The following COL5A1 variants were observed in gnomAD, a reference collection of about 807,000 sequenced individuals.
The protein encoded by COL5A1 is collagen type V alpha 1 chain, also known as collagen alpha-1(V) chain.
Under a neutral mutation model 263.7 loss-of-function variants are expected in COL5A1, and 16 were observed. The observed-to-expected ratio is 0.06, with a 90% confidence interval of 0.04 to 0.09. COL5A1 has a LOEUF of 0.09. Ranked by LOEUF, COL5A1 falls within the 10% of genes least tolerant of loss-of-function variation. The probability of loss-of-function intolerance (pLI) is 1.00; values close to 1 mark genes in which losing one functional copy is unlikely to be tolerated. For synonymous variants in COL5A1, 1,012 were observed against 1,004.5 expected (o/e 1.01, Z -0.14); for missense variants, 2,036 against 2,540.5 (o/e 0.80, Z 4.27).
intron 4 of COL5A1, among the ~76,000 whole-genome samples, chr9:134,704,030 A>G (rs1473710169): frequency 1.3e-5 from 2 of 152,170 alleles, no homozygotes; most frequent in African/African-American, 4.8e-5. Flanking sequence ...GATTCAGGAA[A>G]AAGCTTTATT....
intron 9 of COL5A1, among the ~76,000 whole-genome samples, chr9:134,738,163 G>A (rs575250144): frequency 6.6e-6 from 1 of 152,188 alleles, no homozygotes; most frequent in Non-Finnish European, 1.5e-5. Context: ...GATGCAGGGA[G>A]CCTGGCGGTC....
At chr9:134,822,189 CA>C (rs1200679783) in intron 59 of COL5A1, 39 bp downstream of exon 59, 4 of 1,281,546 alleles carry the variant, frequency 3.1e-6, no homozygotes, top group African/African-American at 1.4e-5. Flanking sequence ...CCTGGGAGGG[CA>C]GGGAGGGTGG....
chr9:134,820,120 A>G lies in COL5A1; in HGVS notation c.4451A>G (p.His1484Arg), dbSNP rs1055107588. The G allele has an allele frequency of 1.9e-6, 3 of 1,613,552 alleles. No homozygotes were observed. Among genetic ancestry groups the G allele is most frequent in the East Asian group, 2.2e-5 (1 of 44,888 alleles). ...CCTGTCTTCATTTTCCCACAGGGTC[A>G]TCCAGGCCTGATCGGGCTCATCGGT... is the stretch of plus-strand genomic sequence containing the variant. The part of the protein sequence containing the change: ...GDSGPKGEKG[H>R]PGLIGLIGPP... Residue 1484 changes from histidine (H) to arginine (R), a missense_variant, in exon 58 of 66, where the codon CAT becomes CGT. Physicochemically the swap from His to Arg is conservative, Grantham distance 29. Transcript: ENST00000371817.
intron 4 of COL5A1, among the ~76,000 whole-genome samples, chr9:134,725,544 G>A (rs1344118136): frequency 6.6e-6 from 1 of 152,214 alleles, no homozygotes; most frequent in Non-Finnish European, 1.5e-5. Flanking sequence ...TCTGCAGATA[G>A]CGTTTATGAG....
chr9:134,690,793 G>A (rs1188384452), intron 1 of COL5A1, 119 bp from the exon 2 acceptor site: 1 of 1,264,122 alleles, frequency 7.9e-7, no homozygotes, highest in East Asian at 2.4e-5. Context: ...GGGCTCTTCT[G>A]AGTGCCCAGG....
Position 134,796,438 on chromosome 9 carries a change from G to C in COL5A1, c.2844+20G>C. 1 of 1,613,694 alleles carries C rather than the reference G, an allele frequency of 6.2e-7. No homozygotes were observed. Among genetic ancestry groups the C allele is most frequent in the South Asian group, 1.1e-5 (1 of 91,074 alleles). On this transcript the variant is annotated intron_variant, in intron 35 of 65. Transcript: ENST00000371817. ...GAACGGGTAAGCAGCTGGAGCCTTC[G>C]GGGGTGTCTCCAAGGGCAGAGCCTG...
chr9:134,645,226 T>C (rs1249279990), intron 1 of COL5A1, among the ~76,000 whole-genome samples: 1 of 152,206 alleles, frequency 6.6e-6, no homozygotes, highest in Non-Finnish European at 1.5e-5. Context: ...AGCCTGCTCT[T>C]CACCCCGCCC....
chr9:134,786,082 G>C, intron 31 of COL5A1, 34 bp downstream of exon 31: 3 of 1,581,308 alleles, frequency 1.9e-6, no homozygotes, highest in Non-Finnish European at 2.6e-6. Flanking sequence ...TCCCGGGACA[G>C]GCGGAGGGAT....
chr9:134,752,712 C>A, intron 14 of COL5A1, 67 bp downstream of exon 14: 1 of 1,290,248 alleles, frequency 7.8e-7, no homozygotes, highest in African/African-American at 1.5e-5. Flanking sequence ...GTGTCGTTGG[C>A]GGACAGTGGC....
rs145101509 is a variant in COL5A1, at chr9:134,817,034, C to G, written c.4131C>G (p.Pro1377=). The change falls in exon 53 of 66, where the codon CCC becomes CCG. Residue 1377 remains proline, a synonymous_variant. Coordinates refer to ENST00000371817, the MANE Select transcript of COL5A1 (RefSeq NM_000093.5). ...CTTTCTCCCAATACCAGGGATCCCC[C>G]GGCCCTACTGGTGAACCAGGTCCAT... ...DDGEPGQTGS[P]GPTGEPGPSG... The G allele has an allele frequency of 6.2e-7, 1 of 1,613,804 alleles. No individual in the cohort carries two copies. The highest frequency in any genetic ancestry group is 8.5e-7 in the Non-Finnish European group (1 of 1,179,800).
In COL5A1 at chr9:134,818,979, TC is replaced by T; in HGVS notation, c.4393-16del. 6.2e-7 allele frequency: 1 copy of T among 1,613,188 alleles called. No individual in the cohort carries two copies. Among genetic ancestry groups the T allele is most frequent in the Non-Finnish European group, 8.5e-7 (1 of 1,179,880 alleles). ...AAAGCCCCAAGGATGAGGACTCTGA[TC>T]CCCCTGCCTCCTCCCACAGGGTCCC... On this transcript the variant is annotated intron_variant, in intron 56 of 65. Coordinates refer to ENST00000371817, the MANE Select transcript of COL5A1 (RefSeq NM_000093.5). This position sits in a 1 kb window ranked among gnomAD's most constrained non-coding sequence, Gnocchi z 6.0.
At chr9:134,657,431 GT>G (rs1832042257) in intron 1 of COL5A1, among the ~76,000 whole-genome samples, 1 of 48,416 alleles carries the variant, frequency 2.1e-5, no homozygotes, top group Non-Finnish European at 3.9e-5. Context: ...TGGGGTGGGG[GT>G]GTAGTTTATA....
chr9:134,803,767 C>CG (rs1289923368), intron 39 of COL5A1, among the ~76,000 whole-genome samples: 7 of 151,398 alleles, frequency 4.6e-5, no homozygotes, highest in Admixed American at 6.6e-5. Context: ...GGTGTGAACT[C>CG]GGGGGGCGGA....
chr9:134,828,275 C>T (rs1839378102), intron 63 of COL5A1, among the ~76,000 whole-genome samples: 1 of 152,220 alleles, frequency 6.6e-6, no homozygotes, highest in Admixed American at 6.5e-5. Context: ...TGTGTGTCTG[C>T]AGCCTCGGCC....
At chr9:134,802,320 C>G (rs1354442239) in intron 38 of COL5A1, among the ~76,000 whole-genome samples, 3 of 152,152 alleles carry the variant, frequency 2.0e-5, no homozygotes, top group Admixed American at 2.0e-4. Context: ...CCAAGGCAGC[C>G]GAGTCCTCCT....
chr9:134,674,429 G>T (rs532179015), intron 1 of COL5A1, among the ~76,000 whole-genome samples: 1 of 152,182 alleles, frequency 6.6e-6, no homozygotes, highest in East Asian at 1.9e-4. Context: ...AGAAAAGGCA[G>T]AACTGCAGGG....
In COL5A1 at chr9:134,812,703, G is replaced by T; in HGVS notation, c.3843G>T (p.Val1281=). ...PPGGIGNPGA[V]GEKGEPGEAG... ...GTGGAATAGGAAACCCTGGTGCAGT[G>T]GGAGAGAAGGTGAGGCTCGTGCCTG... Residue 1281 remains valine, a synonymous_variant, in exon 48 of 66, where the codon GTG becomes GTT. Coordinates refer to ENST00000371817, the MANE Select transcript of COL5A1 (RefSeq NM_000093.5). The T allele has an allele frequency of 6.3e-7, 1 of 1,576,042 alleles. No individual in the cohort carries two copies. The highest frequency in any genetic ancestry group is 2.3e-5 in the East Asian group (1 of 43,582).
At chr9:134,673,899 G>A (rs1832615591) in intron 1 of COL5A1, among the ~76,000 whole-genome samples, 2 of 152,196 alleles carry the variant, frequency 1.3e-5, no homozygotes, top group African/African-American at 4.8e-5. Context: ...TTAAAACTGG[G>A]CAGAAGATTC....
At chr9:134,812,377 C>T (rs1838557730) in intron 46 of COL5A1, 72 bp from the exon 47 acceptor site, 15 of 1,504,688 alleles carry the variant, frequency 1.0e-5, no homozygotes, top group African/African-American at 2.7e-5. Context: ...GGGTGGAGGT[C>T]GTGAAAGCTG....
Sources: gnomAD v4.1 joint callset for allele counts (sites outside exome capture counted in the v4.1 genomes callset) on GRCh38, gnomAD v4.1.1 for gene constraint, Gnocchi (gnomAD v3.1) non-coding constraint, MANE v1.5 for transcripts, NCBI Gene and HGNC (gene_info 2026-07-23, HGNC 2026-07-21) for gene names.